Variants in MCU observed in about 807,000 individuals in gnomAD.
MCU encodes mitochondrial calcium uniporter.
Under a neutral mutation model 45.2 loss-of-function variants are expected in MCU, and 12 were observed. That is an observed-to-expected ratio of 0.27 (90% CI 0.17 to 0.43). The LOEUF is 0.43. Ranked by LOEUF, MCU falls within the 20% of genes least tolerant of loss-of-function variation. The pLI, the probability that MCU is intolerant of heterozygous loss-of-function variation, is 1.00. For synonymous variants in MCU, 160 were observed against 165.1 expected (o/e 0.97, Z 0.24); for missense variants, 324 against 436.7 (o/e 0.74, Z 2.30).
chr10:72,780,069 A>G (rs1165654226), intron 1 of MCU, among the ~76,000 whole-genome samples: 1 of 152,258 alleles, frequency 6.6e-6, no homozygotes, highest in Non-Finnish European at 1.5e-5. Context: ...AGAAGGTGGT[A>G]TATCCATACG....
intron 6 of MCU, among the ~76,000 whole-genome samples, chr10:72,874,268 G>A (rs543392921): frequency 3.2e-4 from 48 of 152,186 alleles, no homozygotes; most frequent in South Asian, 6.2e-4. Context: ...TGTCAGTGCC[G>A]TTTTAAATAT....
intron 1 of MCU, among the ~76,000 whole-genome samples, chr10:72,775,720 G>T (rs779081302): frequency 3.9e-5 from 6 of 152,150 alleles, no homozygotes; most frequent in Non-Finnish European, 7.4e-5. Context: ...ACAAAGAATG[G>T]TTAGAGACTA....
At chr10:72,813,971 G>T (rs752349891) in intron 1 of MCU, among the ~76,000 whole-genome samples, 3 of 152,120 alleles carry the variant, frequency 2.0e-5, no homozygotes, top group Non-Finnish European at 4.4e-5. Context: ...TTTTGTAACT[G>T]ACAGTGTGAT....
intron 1 of MCU, among the ~76,000 whole-genome samples, chr10:72,816,189 T>C (rs547851819): frequency 6.6e-6 from 1 of 152,016 alleles, no homozygotes; most frequent in East Asian, 1.9e-4. Context: ...AATAATAAAC[T>C]CTAGAGGGAT....
At chr10:72,803,873 T>G (rs1844378940) in intron 1 of MCU, among the ~76,000 whole-genome samples, 1 of 150,944 alleles carries the variant, frequency 6.6e-6, no homozygotes, top group South Asian at 2.1e-4. Context: ...TTTAATATCA[T>G]AGAATATCTA....
chr10:72,871,708 T>TGGAGTGGTAGATG, intron 6 of MCU, 128 bp downstream of exon 6: 2 of 708,586 alleles, frequency 2.8e-6, no homozygotes, highest in East Asian at 5.4e-5. Flanking sequence ...TACACACACA[T>TGGAGTGGTAGATG]GTGCCACTTG....
At chr10:72,831,690 A>G (rs2132830126) in intron 1 of MCU, among the ~76,000 whole-genome samples, 1 of 152,316 alleles carries the variant, frequency 6.6e-6, no homozygotes, top group Non-Finnish European at 1.5e-5. Flanking sequence ...GATTCGGAGT[A>G]CCCATTGATG....
intron 1 of MCU, among the ~76,000 whole-genome samples, chr10:72,710,223 C>G (rs1335177071): frequency 3.3e-5 from 5 of 152,018 alleles, no homozygotes; most frequent in Admixed American, 2.0e-4. Flanking sequence ...TGATCTGCCC[C>G]CCTCAGCCTC....
chr10:72,839,797 C>CA (rs758036618), intron 2 of MCU, among the ~76,000 whole-genome samples: 1,968 of 96,364 alleles, frequency 0.02, 24 homozygotes, highest in East Asian at 0.028. Context: ...ACTAAGAATA[C>CA]AAAAAAAAAA....
At position 72,887,524 on chromosome 10, in the gene MCU, AC is replaced by A. The variant is rs1206466073; in HGVS notation, c.*1703del. The A allele has an allele frequency of 6.5e-6, 1 of 152,790 alleles. No individual in the cohort carries two copies. The highest frequency in any genetic ancestry group is 1.9e-4 in the East Asian group (1 of 5,328). 9.5% of individuals were successfully genotyped at this position (152,790 alleles called of 1,614,324 possible). A position where few individuals can be genotyped will look rare whatever the true frequency, so the allele number is the denominator to read the frequency against. On this transcript the variant is annotated 3_prime_UTR_variant, in exon 8 of 8. Transcript: ENST00000373053. ...TTTTAAGAAGAAACAGCACAGTGCA[AC>A]GAGCAAATCTTTTTGGGGTGTGTGG...
intron 1 of MCU, among the ~76,000 whole-genome samples, chr10:72,786,250 C>G (rs1844069719): frequency 6.6e-6 from 1 of 151,864 alleles, no homozygotes; most frequent in Non-Finnish European, 1.5e-5. Context: ...TTGAACACAT[C>G]AACATAGAGT....
At position 72,868,838 on chromosome 10, in the gene MCU, A is replaced by G. The variant is rs760737128; in HGVS notation, c.632A>G (p.Lys211Arg). ...RELIERLEDL[K>R]EQLAPLEKVR... ...CTTATTGAAAGACTAGAGGATCTCA[A>G]AGAGCAGCTGGCTCCCCTGGAAAAG... The change falls in exon 5 of 8, where the codon AAA (lysine) becomes AGA (arginine). Residue 211 changes from lysine (K) to arginine (R), a missense_variant. Coordinates refer to ENST00000373053, the MANE Select transcript of MCU (RefSeq NM_138357.3). The G allele has an allele frequency of 1.2e-6, 2 of 1,614,036 alleles. No homozygotes were observed. Among genetic ancestry groups the G allele is most frequent in the Middle Eastern group, 1.7e-4 (1 of 6,060 alleles).
Position 72,885,950 on chromosome 10 carries a change from CAGAA to C in MCU, c.*131_*134del, listed in dbSNP as rs1246761531. 1 of 660,392 alleles carries C rather than the reference CAGAA, an allele frequency of 1.5e-6. No individual in the cohort carries two copies. Among genetic ancestry groups the C allele is most frequent in the Non-Finnish European group, 2.6e-6 (1 of 377,994 alleles). 40.9% of individuals were successfully genotyped at this position (660,392 alleles called of 1,614,324 possible). A position where few individuals can be genotyped will look rare whatever the true frequency, so the allele number is the denominator to read the frequency against. Reference sequence around the variant, plus strand: ...TTTACCTTTAATTATAAAACAAAAACAGAAAGGATCTGAGGGAAGAAGGGAATGT... The same window carrying C: ...TTTACCTTTAATTATAAAACAAAAACAGGATCTGAGGGAAGAAGGGAATGT... On this transcript the variant is annotated 3_prime_UTR_variant, in exon 8 of 8. Coordinates refer to ENST00000373053, the MANE Select transcript of MCU (RefSeq NM_138357.3).
chr10:72,874,029 A>G (rs1253510085), intron 6 of MCU, among the ~76,000 whole-genome samples: 3 of 152,206 alleles, frequency 2.0e-5, no homozygotes, highest in Non-Finnish European at 4.4e-5. Context: ...GACATCAGGT[A>G]GTATGATGCC....
rs1345573029 is a variant in MCU, at chr10:72,746,464, A to G, written c.150+54163A>G. 2.0e-5 allele frequency among the ~76,000 whole-genome samples: 3 copies of G among 152,218 alleles called. No individual in the cohort carries two copies. The East Asian group carries it at 5.8e-4, about 29-fold the overall frequency. On this transcript the variant is annotated intron_variant, in intron 1 of 7. Transcript: ENST00000373053. ...AAATACTACCTCACTTTTCAGTTGG[A>G]TAAATCTGACTTAAATGCTCTGATT...
At chr10:72,754,784 T>C (rs1182888862) in intron 1 of MCU, among the ~76,000 whole-genome samples, 1 of 151,958 alleles carries the variant, frequency 6.6e-6, no homozygotes, top group Non-Finnish European at 1.5e-5. Flanking sequence ...GAGCCATGAG[T>C]GCATCACTGC....
chr10:72,859,315 G>A lies in MCU; in HGVS notation c.359G>A (p.Arg120Gln), dbSNP rs542746241. ...TTACGACAACTGCAAGAAGAGGATC[G>A]GGGAATTGACAGAGTTGCTATCTAT... ...VFLRQLQEEDRGIDRVAIYSP... is the reference protein window; with the variant it reads ...VFLRQLQEEDQGIDRVAIYSP... The change falls in exon 3 of 8, where the codon CGG (arginine) becomes CAG (glutamine). Residue 120 changes from arginine (R) to glutamine (Q), a missense_variant. Arg to Gln is a conservative substitution (Grantham distance 43). This residue lies in a region of MCU where 135 missense variants were observed against 207.3 expected (regional missense o/e 0.65). Transcript: ENST00000373053. The A allele has an allele frequency of 1.2e-5, 20 of 1,613,252 alleles. No individual in the cohort carries two copies. The highest frequency in any genetic ancestry group is 2.7e-5 in the African/African-American group (2 of 74,960).
intron 1 of MCU, among the ~76,000 whole-genome samples, chr10:72,779,117 G>A (rs1843947882): frequency 6.6e-6 from 1 of 151,984 alleles, no homozygotes; most frequent in East Asian, 1.9e-4. Flanking sequence ...CTACAGGCAC[G>A]TGCCACCATG....
At chr10:72,712,429 A>G (rs1433603004) in intron 1 of MCU, 1 of 152,210 alleles carries the variant, frequency 6.6e-6, no homozygotes, top group Non-Finnish European at 1.5e-5. Context: ...AGCTGCTGCA[A>G]CAAAAGCCTG....
Sources: allele counts gnomAD v4.1 joint callset (sites outside exome capture counted in the v4.1 genomes callset), GRCh38; gene constraint gnomAD v4.1.1; regional missense constraint gnomAD v4.1.1; transcripts MANE v1.5; gene names NCBI Gene and HGNC (gene_info 2026-07-23, HGNC 2026-07-21).